Variants in GPR26 observed in about 807,000 individuals in gnomAD.
GPR26 encodes the protein G protein-coupled receptor 26.
GPR26 carries 15 observed loss-of-function variants against 23.1 expected under a neutral mutation model. The ratio of observed to expected loss-of-function variants is 0.65; its 90% CI spans 0.43 to 1.00. The LOEUF (loss-of-function observed/expected upper bound fraction) is 1.00, where lower values mean the gene tolerates loss of function less well. Ranked by LOEUF, GPR26 falls within the 50% of genes least tolerant of loss-of-function variation. The pLI, the probability that GPR26 is intolerant of heterozygous loss-of-function variation, is 0.00. For missense variants in GPR26, 359 were observed against 470.5 expected (o/e 0.76, Z 2.19); for synonymous variants, 228 against 222.1 (o/e 1.03, Z -0.24).
chr10:123,676,713 C>T (rs1004629343), intron 2 of GPR26, among the ~76,000 whole-genome samples: 2 of 152,180 alleles, frequency 1.3e-5, no homozygotes, highest in Non-Finnish European at 1.5e-5. Flanking sequence ...CTAAGTGAGG[C>T]GTGGCAGAGG....
At chr10:123,675,270 C>G (rs1382208582) in intron 2 of GPR26, among the ~76,000 whole-genome samples, 1 of 152,018 alleles carries the variant, frequency 6.6e-6, no homozygotes, top group Admixed American at 6.6e-5. Flanking sequence ...ACATCATCTT[C>G]CCCAAAACCC....
At chr10:123,686,799 C>A (rs979891609) in intron 2 of GPR26, among the ~76,000 whole-genome samples, 5 of 152,172 alleles carry the variant, frequency 3.3e-5, no homozygotes, top group African/African-American at 9.7e-5. Context: ...AGGTGCTGCA[C>A]CTTCCATGGC....
At chr10:123,668,591 C>T (rs1845215244) in intron 1 of GPR26, among the ~76,000 whole-genome samples, 1 of 152,236 alleles carries the variant, frequency 6.6e-6, no homozygotes, top group South Asian at 2.1e-4. Context: ...TGTCACAGCA[C>T]ATGTCTCTGC....
Position 123,666,813 on chromosome 10 carries a change from A to G in GPR26, c.406A>G (p.Thr136Ala), listed in dbSNP as rs761498326. Reference protein sequence around the residue: ...MVAYTWLHALTFPAAALALSW... With the variant: ...MVAYTWLHALAFPAAALALSW... ...GGCCTACACGTGGCTGCACGCGCTC[A>G]CCTTCCCAGCCGCCGCGCTCGCCCT... Residue 136 changes from threonine (T) to alanine (A), a missense_variant, in exon 1 of 3, where the codon ACC becomes GCC. Transcript: ENST00000284674. 31 of 1,608,230 alleles carry G rather than the reference A, an allele frequency of 1.9e-5. No homozygotes were observed. The East Asian group carries it at 6.7e-4, about 35-fold the overall frequency.
chr10:123,686,536 A>G (rs1281084030), intron 2 of GPR26, among the ~76,000 whole-genome samples: 1 of 152,120 alleles, frequency 6.6e-6, no homozygotes, highest in Non-Finnish European at 1.5e-5. Context: ...AGCCTGTTCC[A>G]GAAAGGGGCA....
intron 2 of GPR26, among the ~76,000 whole-genome samples, chr10:123,678,205 G>A (rs893032644): frequency 6.6e-6 from 1 of 152,160 alleles, no homozygotes; most frequent in Admixed American, 6.5e-5. Context: ...AACATTTCAG[G>A]TGACACCCGT....
chr10:123,679,476 TCA>T (rs1209802122), intron 2 of GPR26, among the ~76,000 whole-genome samples: 1 of 152,180 alleles, frequency 6.6e-6, no homozygotes, highest in African/African-American at 2.4e-5. Flanking sequence ...CTGAACCAGT[TCA>T]GTTAGACTCC....
chr10:123,666,602 C>G lies in GPR26; in HGVS notation c.195C>G (p.Ala65=). 1 of 1,592,230 alleles carries G rather than the reference C, an allele frequency of 6.3e-7. No homozygotes were observed. The highest frequency in any genetic ancestry group is 8.5e-7 in the Non-Finnish European group (1 of 1,171,948). ...CTVVNMPLTL[A]GVVAQRQPAG... The stretch of plus-strand genomic sequence containing the variant: ...TGGTCAACATGCCGCTCACGCTGGC[C>G]GGCGTCGTGGCGCAGCGGCAGCCGG... The change falls in exon 1 of 3, where the codon GCC becomes GCG. Residue 65 remains alanine, a synonymous_variant. Coordinates refer to ENST00000284674, the MANE Select transcript of GPR26 (RefSeq NM_153442.4).
chr10:123,691,316 C>T lies in GPR26; in HGVS notation c.*3156C>T, dbSNP rs1845488036. The T allele has an allele frequency of 6.6e-6, 1 of 152,204 alleles. No individual in the cohort carries two copies. The highest frequency in any genetic ancestry group is 1.5e-5 in the Non-Finnish European group (1 of 68,038). The allele number at this position is 152,204 out of a possible 1,614,324, so 9.4% of individuals were successfully genotyped here. A position where few individuals can be genotyped will look rare whatever the true frequency, so the allele number is the denominator to read the frequency against. On this transcript the variant is annotated 3_prime_UTR_variant, in exon 3 of 3. Coordinates refer to ENST00000284674, the MANE Select transcript of GPR26 (RefSeq NM_153442.4). The stretch of plus-strand genomic sequence containing the variant: ...AGGAGGGGAAATGGATTTGAACCAT[C>T]TCAGACCAACTCTATCTCTTCTAGC...
At chr10:123,684,228 T>C (rs563223664) in intron 2 of GPR26, among the ~76,000 whole-genome samples, 1 of 152,062 alleles carries the variant, frequency 6.6e-6, no homozygotes, top group Non-Finnish European at 1.5e-5. Context: ...CAGGCAGCGA[T>C]GTTTGTGGGG....
chr10:123,679,306 G>A (rs1845343006), intron 2 of GPR26, among the ~76,000 whole-genome samples: 1 of 151,614 alleles, frequency 6.6e-6, no homozygotes, highest in South Asian at 2.1e-4. Context: ...AGAGCACTGT[G>A]TTGAAAGCAA....
At position 123,667,020 on chromosome 10, in the gene GPR26, C is replaced by A; in HGVS notation, c.613C>A (p.Arg205Ser). 6.2e-7 allele frequency: 1 copy of A among 1,610,094 alleles called. No homozygotes were observed. Among genetic ancestry groups the A allele is most frequent in the Non-Finnish European group, 8.5e-7 (1 of 1,178,390 alleles). Residue 205 changes from arginine to serine, a missense_variant, in exon 1 of 3, where the codon CGC (arginine) becomes AGC (serine). Coordinates refer to ENST00000284674, the MANE Select transcript of GPR26 (RefSeq NM_153442.4). ...CAAGGTGGCCCGCTTCCATTGCAAG[C>A]GCATCGACGTGATCACCATGCAGAC... ...VLKVARFHCKRIDVITMQTLV... is the reference protein window; with the variant it reads ...VLKVARFHCKSIDVITMQTLV...
In GPR26 at chr10:123,690,425, C is replaced by G. The variant is rs1845479594; in HGVS notation, c.*2265C>G. The G allele has an allele frequency of 6.6e-6, 1 of 152,208 alleles. No homozygotes were observed. Among genetic ancestry groups the G allele is most frequent in the Non-Finnish European group, 1.5e-5 (1 of 68,050 alleles). The allele number at this position is 152,208 out of a possible 1,614,324, so 9.4% of individuals were successfully genotyped here. ...ATAACTGTGGCACATGCTCTTTCTG[C>G]TTTCTCTGTACTGTATAGGCAACAT... On this transcript the variant is annotated 3_prime_UTR_variant, in exon 3 of 3. Coordinates refer to ENST00000284674, the MANE Select transcript of GPR26 (RefSeq NM_153442.4).
In GPR26 at chr10:123,688,556, G is replaced by A. The variant is rs1845455987; in HGVS notation, c.*396G>A. 1 of 236,980 alleles carries A rather than the reference G, an allele frequency of 4.2e-6. No individual in the cohort carries two copies. The highest frequency in any genetic ancestry group is 6.4e-5 in the South Asian group (1 of 15,630). 14.7% of individuals were successfully genotyped at this position (236,980 alleles called of 1,614,324 possible). A position where few individuals can be genotyped will look rare whatever the true frequency, so the allele number is the denominator to read the frequency against. The stretch of plus-strand genomic sequence containing the variant: ...ACGCTGCTCCATGCTGAAGAAAAGT[G>A]ACAGTCTCCAGGGGACATTTCAGCC... On this transcript the variant is annotated 3_prime_UTR_variant, in exon 3 of 3. Coordinates refer to ENST00000284674, the MANE Select transcript of GPR26 (RefSeq NM_153442.4).
intron 2 of GPR26, among the ~76,000 whole-genome samples, chr10:123,682,783 G>C (rs543546051): frequency 6.6e-6 from 1 of 151,026 alleles, no homozygotes. Flanking sequence ...CATATGCAGG[G>C]GATTCCCAAA....
At chr10:123,675,857 A>AGTGTGTGTGT (rs1564731138) in intron 2 of GPR26, among the ~76,000 whole-genome samples, 4 of 45,610 alleles carry the variant, frequency 8.8e-5, no homozygotes, top group Admixed American at 2.6e-4. Context: ...TGTGTGTGTA[A>AGTGTGTGTGT]GAGAGAGAGA....
Position 123,666,497 on chromosome 10 carries a change from G to T in GPR26, c.90G>T (p.Leu30=), listed in dbSNP as rs765065134. Reference sequence around the variant, plus strand: ...CCAACGCGCTGGTGCTGCTCTGCCTGCTGCACAGCGCGGACATCCGCCGCC... The same window carrying T: ...CCAACGCGCTGGTGCTGCTCTGCCTTCTGCACAGCGCGGACATCCGCCGCC... ...LLSNALVLLC[L]LHSADIRRQA... The change falls in exon 1 of 3, where the codon CTG becomes CTT. Residue 30 remains leucine (L), a synonymous_variant. Coordinates refer to ENST00000284674, the MANE Select transcript of GPR26 (RefSeq NM_153442.4). The T allele has an allele frequency of 1.3e-6, 2 of 1,570,466 alleles. No homozygotes were observed.
rs953345757 is a variant in GPR26, at chr10:123,694,852, G to A, written c.*6692G>A. On this transcript the variant is annotated 3_prime_UTR_variant, in exon 3 of 3. Coordinates refer to ENST00000284674, the MANE Select transcript of GPR26 (RefSeq NM_153442.4). ...GGGCATCTTCATTACACAGCGTGGG[G>A]AGGGAAGCATAATTCACTCTTAAGA... 6.6e-6 allele frequency among the ~76,000 whole-genome samples: 1 copy of A among 152,188 alleles called. No homozygotes were observed. The highest frequency in any genetic ancestry group is 2.4e-5 in the African/African-American group (1 of 41,462).
intron 1 of GPR26, among the ~76,000 whole-genome samples, chr10:123,673,159 T>A (rs1195118576): frequency 6.6e-6 from 1 of 152,168 alleles, no homozygotes; most frequent in Non-Finnish European, 1.5e-5. Context: ...AGTTCTCAAC[T>A]CTTTAAATTC....
Sources: gnomAD v4.1 joint callset for allele counts (sites outside exome capture counted in the v4.1 genomes callset) on GRCh38, gnomAD v4.1.1 for gene constraint, MANE v1.5 for transcripts, NCBI Gene and HGNC (gene_info 2026-07-23, HGNC 2026-07-21) for gene names.